The following GALNT15 variants were observed in gnomAD, a reference collection of about 807,000 sequenced individuals.
GALNT15 encodes the protein polypeptide N-acetylgalactosaminyltransferase 15.
In GALNT15, 67 loss-of-function variants were observed where a neutral mutation model predicts 66.8. That is an observed-to-expected ratio of 1.00 (90% CI 0.82 to 1.23). The LOEUF is 1.23. Among genes scored for constraint, GALNT15 ranks in the 50% most tolerant of loss-of-function variants. GALNT15 has a pLI of 0.00. For synonymous variants in GALNT15, 313 were observed against 311.5 expected (o/e 1.00, Z -0.05); for missense variants, 827 against 804.3 (o/e 1.03, Z -0.34).
intron 4 of GALNT15, among the ~76,000 whole-genome samples, chr3:16,210,094 AC>A (rs1159568764): frequency 6.6e-6 from 1 of 152,216 alleles, no homozygotes; most frequent in Non-Finnish European, 1.5e-5. Flanking sequence ...GGAATGCTGA[AC>A]TTGTAACATC....
In GALNT15 at chr3:16,228,655, A is replaced by G. The variant is rs1009066220; in HGVS notation, c.*1155A>G. The G allele has an allele frequency of 1.1e-5, 11 of 972,798 alleles. 1 individual carries two copies. In the South Asian group the frequency reaches 3.4e-4, roughly 30 times the overall value. The allele number at this position is 972,798 out of a possible 1,614,324, so 60.3% of individuals were successfully genotyped here. ...GACTCCATCTCAAAAAAAAAAAAAA[A>G]GAGAGAAACTCTCCTGATGCCCTGT... is the stretch of plus-strand genomic sequence containing the variant. On this transcript the variant is annotated 3_prime_UTR_variant, in exon 10 of 10. Coordinates refer to ENST00000339732, the MANE Select transcript of GALNT15 (RefSeq NM_054110.5).
At position 16,175,498 on chromosome 3, in the gene GALNT15, G is replaced by A; in HGVS notation, c.347G>A (p.Ser116Asn). Reference protein sequence around the residue: ...RNQSQGRRGGSYRLIKQPRRQ... With the variant: ...RNQSQGRRGGNYRLIKQPRRQ... The stretch of plus-strand genomic sequence containing the variant: ...CAGAGCCAGGGCAGGAGAGGTGGGA[G>A]CTACCGCCTCATCAAGCAGCCAAGG... Residue 116 changes from serine (S) to asparagine (N), a missense_variant, in exon 1 of 10, where the codon AGC (serine) becomes AAC (asparagine). By Grantham distance (46) the Ser-to-Asn change is conservative (BLOSUM62 1). Coordinates refer to ENST00000339732, the MANE Select transcript of GALNT15 (RefSeq NM_054110.5). The surrounding 1 kb of genome is among the most constrained non-coding windows in gnomAD (Gnocchi z 5.6). The A allele has an allele frequency of 2.5e-6, 4 of 1,613,888 alleles. No individual in the cohort carries two copies. Among genetic ancestry groups the A allele is most frequent in the Non-Finnish European group, 3.4e-6 (4 of 1,179,866 alleles).
Position 16,229,579 on chromosome 3 carries a change from G to A in GALNT15, c.*2079G>A, listed in dbSNP as rs919464722. The A allele has an allele frequency of 2.1e-5, 21 of 985,228 alleles. No individual in the cohort carries two copies. In the South Asian group the frequency reaches 4.2e-4, roughly 20 times the overall value. The allele number at this position is 985,228 out of a possible 1,614,324, so 61.0% of individuals were successfully genotyped here. On this transcript the variant is annotated 3_prime_UTR_variant, in exon 10 of 10. Transcript: ENST00000339732. ...TTTCCCTAAATCCTGAGACTGAGAC[G>A]GAGCTACAAATTCTCAGATGGCGAC...
chr3:16,237,076 G>T, the GALNT15 span, among the ~76,000 whole-genome samples: 1 of 152,226 alleles, frequency 6.6e-6, no homozygotes, highest in Non-Finnish European at 1.5e-5. The surrounding 1 kb of genome is among the most constrained non-coding windows in gnomAD (Gnocchi z 4.2). Context: ...TTGTGTTTGG[G>T]ATGTAAGGAC....
In GALNT15 at chr3:16,183,926, G is replaced by C. The variant is rs2063493446; in HGVS notation, c.539+8236G>C. ...CTGCAGGAAAAGAGGGTGTGCATCT[G>C]TATGTAAACACAAGACACCAGACTC... is the stretch of plus-strand genomic sequence containing the variant. On this transcript the variant is annotated intron_variant, in intron 1 of 9. Coordinates refer to ENST00000339732, the MANE Select transcript of GALNT15 (RefSeq NM_054110.5). The surrounding 1 kb of genome is among the most constrained non-coding windows in gnomAD (Gnocchi z 5.2). Among the ~76,000 whole-genome samples the C allele has an allele frequency of 6.6e-6, 1 of 152,224 alleles. No homozygotes were observed. The highest frequency in any genetic ancestry group is 1.5e-5 in the Non-Finnish European group (1 of 68,042).
chr3:16,185,498 G>T (rs2063507623), intron 1 of GALNT15, among the ~76,000 whole-genome samples: 1 of 152,274 alleles, frequency 6.6e-6, no homozygotes, highest in South Asian at 2.1e-4. Context: ...TTCTTGCATT[G>T]TTCCCTGATG....
the GALNT15 span, among the ~76,000 whole-genome samples, chr3:16,240,347 C>T: frequency 6.6e-6 from 1 of 152,200 alleles, no homozygotes; most frequent in African/African-American, 2.4e-5. Flanking sequence ...CGTGTGTTTT[C>T]TGAACCACTG....
In GALNT15 at chr3:16,182,436, T is replaced by C. The variant is rs867574125; in HGVS notation, c.539+6746T>C. On this transcript the variant is annotated intron_variant, in intron 1 of 9. Transcript: ENST00000339732. The surrounding 1 kb of genome is among the most constrained non-coding windows in gnomAD (Gnocchi z 6.1). ...GGACCACTGCTTAGGCCACTTTAGG[T>C]GACTAAGAACAGAGATGCTCAAGTC... Among the ~76,000 whole-genome samples the C allele has an allele frequency of 4.6e-5, 7 of 152,180 alleles. No homozygotes were observed. Among genetic ancestry groups the C allele is most frequent in the Middle Eastern group, 3.2e-3 (1 of 316 alleles).
intron 3 of GALNT15, among the ~76,000 whole-genome samples, chr3:16,202,469 C>T (rs1173294143): frequency 6.6e-6 from 1 of 152,172 alleles, no homozygotes; most frequent in Non-Finnish European, 1.5e-5. Context: ...CCCATCTCTA[C>T]TAAAAATACA....
chr3:16,201,240 G>C (rs554188389), intron 3 of GALNT15, among the ~76,000 whole-genome samples: 1 of 151,856 alleles, frequency 6.6e-6, no homozygotes, highest in Non-Finnish European at 1.5e-5. Flanking sequence ...GGAGTGCAGC[G>C]GGGCGATCTC....
Position 16,200,916 on chromosome 3 carries a change from T to C in GALNT15, c.911+93T>C. ...CTCACAGAGCAACCCACCTATTAAT[T>C]CCTGAATCTCCATTAGAGAGTGATA... On this transcript the variant is annotated intron_variant, in intron 3 of 9. Coordinates refer to ENST00000339732, the MANE Select transcript of GALNT15 (RefSeq NM_054110.5). The surrounding 1 kb of genome is among the most constrained non-coding windows in gnomAD (Gnocchi z 4.4). 1.1e-6 allele frequency: 1 copy of C among 910,620 alleles called. No homozygotes were observed. 56.4% of individuals were successfully genotyped at this position (910,620 alleles called of 1,614,324 possible).
In GALNT15 at chr3:16,227,366, G is replaced by A. The variant is rs773524178; in HGVS notation, c.1786G>A (p.Val596Ile). 7 of 1,613,310 alleles carry A rather than the reference G, an allele frequency of 4.3e-6. No homozygotes were observed. The highest frequency in any genetic ancestry group is 4.0e-5 in the African/African-American group (3 of 74,840). The part of the protein sequence containing the change: ...HWDFQENGMI[V>I]HILSGKCMEA... Reference sequence around the variant, plus strand: ...TTTCTCTTTTTAGAATGGGATGATTGTCCACATTCTTTCTGGGAAATGCAT... The same window carrying A: ...TTTCTCTTTTTAGAATGGGATGATTATCCACATTCTTTCTGGGAAATGCAT... Residue 596 changes from valine to isoleucine, a missense_variant, in exon 10 of 10, where the codon GTC becomes ATC. Physicochemically the swap from Val to Ile is conservative, Grantham distance 29. Coordinates refer to ENST00000339732, the MANE Select transcript of GALNT15 (RefSeq NM_054110.5). The surrounding 1 kb of genome is among the most constrained non-coding windows in gnomAD (Gnocchi z 4.5).
intron 2 of GALNT15, among the ~76,000 whole-genome samples, 197 bp downstream of exon 2, chr3:16,196,123 G>A (rs2063633335): frequency 6.6e-6 from 1 of 152,190 alleles, no homozygotes; most frequent in Non-Finnish European, 1.5e-5. Context: ...GGGGCTGCAA[G>A]ACAGAGAAGG....
intron 3 of GALNT15, among the ~76,000 whole-genome samples, chr3:16,208,045 A>T (rs936399303): frequency 1.3e-5 from 2 of 152,218 alleles, no homozygotes; most frequent in African/African-American, 4.8e-5. Context: ...TGCTGTCAAG[A>T]AAGGTTTTTG....
Position 16,204,183 on chromosome 3 carries a change from C to T in GALNT15, c.911+3360C>T, listed in dbSNP as rs6804329. ...AGAGCCTGCTGACCAGCCTTTGTTC[C>T]CTGTCCCTGCCTAGCAGGTTCCCAC... On this transcript the variant is annotated intron_variant, in intron 3 of 9. Coordinates refer to ENST00000339732, the MANE Select transcript of GALNT15 (RefSeq NM_054110.5). This position sits in a 1 kb window ranked among gnomAD's most constrained non-coding sequence, Gnocchi z 4.5. Among the ~76,000 whole-genome samples, 21,166 of 152,078 alleles carry T rather than the reference C, an allele frequency of 0.14. 1,606 individuals carry two copies. Among genetic ancestry groups the T allele is most frequent in the East Asian group, 0.22 (1,139 of 5,152 alleles).
the GALNT15 span, among the ~76,000 whole-genome samples, chr3:16,242,881 GC>G: frequency 6.6e-6 from 1 of 152,154 alleles, no homozygotes; most frequent in Non-Finnish European, 1.5e-5. The surrounding 1 kb of genome is among the most constrained non-coding windows in gnomAD (Gnocchi z 5.6). Flanking sequence ...CAGAACCTGA[GC>G]AAGGCCTTGG....
intron 1 of GALNT15, among the ~76,000 whole-genome samples, chr3:16,194,494 C>T (rs572988555): frequency 4.1e-4 from 62 of 152,292 alleles, no homozygotes; most frequent in African/African-American, 1.3e-3. Context: ...GTTGTCTGTT[C>T]ACTCTGATAT....
In GALNT15 at chr3:16,198,109, G is replaced by C. The variant is rs1397573248; in HGVS notation, c.706+2183G>C. On this transcript the variant is annotated intron_variant, in intron 2 of 9. Transcript: ENST00000339732. ...GCTGCAGTGACTTAACCAATGAATA[G>C]AGATTTATTTTTCCTTATAGTATAG... is the stretch of plus-strand genomic sequence containing the variant. Among the ~76,000 whole-genome samples the C allele has an allele frequency of 7.0e-5, 10 of 142,536 alleles. 3 individuals carry two copies. The East Asian group carries it at 1.7e-3, about 24-fold the overall frequency. The allele number at this position is 142,536 out of a possible 152,430, so 93.5% of individuals were successfully genotyped here.
rs1054807039 is a variant in GALNT15 at position 16,195,963 on chromosome 3, C to A, written c.706+37C>A. 1.9e-6 allele frequency: 3 copies of A among 1,605,072 alleles called. No homozygotes were observed. The highest frequency in any genetic ancestry group is 2.2e-5 in the East Asian group (1 of 44,700). On this transcript the variant is annotated intron_variant, in intron 2 of 9. Transcript: ENST00000339732. The surrounding 1 kb of genome is among the most constrained non-coding windows in gnomAD (Gnocchi z 4.6). ...TTTCCTCCAGGCTCGTCTGGGTGAG[C>A]CTTACCCCCTGGCGGGTGGAGTTCT...
Sources: gnomAD v4.1 joint callset for allele counts (sites outside exome capture counted in the v4.1 genomes callset) on GRCh38, gnomAD v4.1.1 for gene constraint, Gnocchi (gnomAD v3.1) non-coding constraint, MANE v1.5 for transcripts, NCBI Gene and HGNC (gene_info 2026-07-23, HGNC 2026-07-21) for gene names.